TMEM14B: variants seen among roughly 807,000 people sequenced by gnomAD.
TMEM14B encodes transmembrane protein 14B.
A neutral mutation model predicts 14.8 loss-of-function variants in TMEM14B; 9 were observed. The ratio of observed to expected loss-of-function variants is 0.61; its 90% confidence interval spans 0.37 to 1.06. The LOEUF is 1.06. Among genes scored for constraint, TMEM14B ranks in the 50% least tolerant of loss-of-function variants. The pLI is 0.01. For missense variants in TMEM14B, 128 were observed against 143.6 expected, an observed-to-expected ratio of 0.89 and a Z score of 0.56; for synonymous variants, 40 against 51.3, an observed-to-expected ratio of 0.78 and a Z score of 0.94.
At chr6:10,753,612 C>T (rs959875202) in intron 4 of TMEM14B, among the ~76,000 whole-genome samples, 1 of 151,942 alleles carries the variant, frequency 6.6e-6, no homozygotes, top group African/African-American at 2.4e-5. Context: ...TTTCTCTCTC[C>T]TCCAGGCTGG....
At chr6:10,748,091 G>A (rs1319966503) in intron 1 of TMEM14B, among the ~76,000 whole-genome samples, 1 of 152,138 alleles carries the variant, frequency 6.6e-6, no homozygotes, top group Non-Finnish European at 1.5e-5. Flanking sequence ...CTGAGGCAAA[G>A]GCTTACCCTT....
Position 10,755,129 on chromosome 6 carries a change from G to T in TMEM14B, c.203-13G>T. ...GACTAATGAGTTTTGACCCTTCTTTGTATCTTTTTCAGCCGCTACATCTGT... is the reference window on the plus strand; with the variant it reads ...GACTAATGAGTTTTGACCCTTCTTTTTATCTTTTTCAGCCGCTACATCTGT... On this transcript the variant is annotated splice_polypyrimidine_tract_variant and intron_variant, in intron 4 of 5. Coordinates refer to ENST00000379542, the MANE Select transcript of TMEM14B (RefSeq NM_030969.5). The T allele has an allele frequency of 6.2e-7, 1 of 1,612,932 alleles. No homozygotes were observed. Among genetic ancestry groups the T allele is most frequent in the South Asian group, 1.1e-5 (1 of 91,036 alleles).
At chr6:10,748,110 G>C (rs1040075541) in intron 1 of TMEM14B, among the ~76,000 whole-genome samples, 1 of 152,188 alleles carries the variant, frequency 6.6e-6, no homozygotes, top group African/African-American at 2.4e-5. Context: ...TTGTAGCATA[G>C]TGTTGCCTCG....
chr6:10,756,422 T>C, intron 5 of TMEM14B, 45 bp from the exon 6 acceptor site: 2 of 1,608,822 alleles, frequency 1.2e-6, no homozygotes, highest in Non-Finnish European at 1.7e-6. Context: ...TAGTTGCCTG[T>C]TCTATCCTTT....
At chr6:10,755,596 A>G in intron 5 of TMEM14B, 2 of 1,253,922 alleles carry the variant, frequency 1.6e-6, no homozygotes, top group Non-Finnish European at 2.0e-6. Flanking sequence ...CTAAAAGGAA[A>G]TTTTGATTGA....
chr6:10,756,559 A>G lies in TMEM14B; in HGVS notation c.*41A>G, dbSNP rs752180811. The G allele has an allele frequency of 4.9e-5, 79 of 1,600,496 alleles. No individual in the cohort carries two copies. Among genetic ancestry groups the G allele is most frequent in the Admixed American group, 2.5e-4 (14 of 56,308 alleles). On this transcript the variant is annotated 3_prime_UTR_variant, in exon 6 of 6. Transcript: ENST00000379542. ...AGCTTGGACTCATGAAGGATTAAAAATCTGCATCTTCCACTATTTTCAATG... is the reference window on the plus strand; with the variant it reads ...AGCTTGGACTCATGAAGGATTAAAAGTCTGCATCTTCCACTATTTTCAATG...
At chr6:10,748,330 C>G (rs1771409410) in intron 1 of TMEM14B, among the ~76,000 whole-genome samples, 1 of 152,162 alleles carries the variant, frequency 6.6e-6, no homozygotes, top group South Asian at 2.1e-4. Flanking sequence ...ATTGCAGCCT[C>G]TGCCTCCTGG....
At chr6:10,758,456 C>T (rs565657777), downstream of TMEM14B, among the ~76,000 whole-genome samples, 2 of 152,340 alleles carry the variant, frequency 1.3e-5, no homozygotes, top group African/African-American at 4.8e-5. Context: ...AGGAGATCTT[C>T]ATAGCCCTTG....
At chr6:10,759,355 T>G (rs2127497812), downstream of TMEM14B, 1 of 152,322 alleles carries the variant, frequency 6.6e-6, no homozygotes, top group East Asian at 1.9e-4. Context: ...ATCCCAACAC[T>G]TTGGGAGGCT....
chr6:10,748,558 C>T (rs544171958), intron 1 of TMEM14B, among the ~76,000 whole-genome samples: 1 of 152,150 alleles, frequency 6.6e-6, no homozygotes, highest in Non-Finnish European at 1.5e-5. Context: ...TGGCCTAATT[C>T]TTTAAACAGA....
chr6:10,753,717 T>A (rs781758031), intron 4 of TMEM14B, among the ~76,000 whole-genome samples: 46 of 152,008 alleles, frequency 3.0e-4, no homozygotes, highest in Non-Finnish European at 1.2e-4. Context: ...TGTCTTCTGT[T>A]CTCCATCCAT....
chr6:10,752,397 T>C (rs574738680), intron 4 of TMEM14B, among the ~76,000 whole-genome samples: 3 of 151,258 alleles, frequency 2.0e-5, no homozygotes, highest in Non-Finnish European at 4.4e-5. Flanking sequence ...TCCTTTTAGG[T>C]GGATCCCCGC....
intron 1 of TMEM14B, among the ~76,000 whole-genome samples, chr6:10,748,577 C>T (rs1561912546): frequency 6.6e-6 from 1 of 152,126 alleles, no homozygotes; most frequent in Non-Finnish European, 1.5e-5. Flanking sequence ...GAATAAACGG[C>T]GTATGCATTG....
chr6:10,756,388 G>A (rs1164645663), intron 5 of TMEM14B, 79 bp from the exon 6 acceptor site: 41 of 1,529,046 alleles, frequency 2.7e-5, no homozygotes, highest in Non-Finnish European at 3.6e-5. Context: ...TGAGGAACCT[G>A]CAGAGTTTAG....
At chr6:10,751,360 C>G in intron 4 of TMEM14B, 126 bp downstream of exon 4, 1 of 1,008,318 alleles carries the variant, frequency 9.9e-7, no homozygotes, top group South Asian at 1.6e-5. Context: ...ACTGCTTCTC[C>G]AAGTCCAAGT....
rs1771813781 is a variant in TMEM14B, at chr6:10,756,632, A to T, written c.*114A>T. ...ATTTTTGCATCTGACATTTTACCTA[A>T]AAAAAAAAAGACACCAAATTTGGCG... On this transcript the variant is annotated 3_prime_UTR_variant, in exon 6 of 6. Coordinates refer to ENST00000379542, the MANE Select transcript of TMEM14B (RefSeq NM_030969.5). The T allele has an allele frequency of 3.8e-6, 5 of 1,326,194 alleles. No individual in the cohort carries two copies. Among genetic ancestry groups the T allele is most frequent in the Non-Finnish European group, 5.0e-6 (5 of 1,005,964 alleles). The allele number at this position is 1,326,194 out of a possible 1,614,324, so 82.2% of individuals were successfully genotyped here.
At chr6:10,754,355 TACTC>T (rs1771723538) in intron 4 of TMEM14B, among the ~76,000 whole-genome samples, 1 of 152,234 alleles carries the variant, frequency 6.6e-6, no homozygotes, top group Non-Finnish European at 1.5e-5. Context: ...TGGCGCCTCT[TACTC>T]ACAAACTGCA....
chr6:10,749,743 T>C lies in TMEM14B; in HGVS notation c.100+45T>C, dbSNP rs781583993. On this transcript the variant is annotated intron_variant, in intron 3 of 5. Transcript: ENST00000379542. The stretch of plus-strand genomic sequence containing the variant: ...TAGCCTCTTAACATCTTCACGTTGT[T>C]CCAGTGAAATGTGAGTGCCTGTGTC... The C allele has an allele frequency of 8.7e-6, 14 of 1,607,842 alleles. No homozygotes were observed. In the African/African-American group the frequency reaches 1.6e-4, roughly 18 times the overall value.
At chr6:10,755,054 C>G in intron 4 of TMEM14B, 88 bp from the exon 5 acceptor site, 1 of 1,391,216 alleles carries the variant, frequency 7.2e-7, no homozygotes. Context: ...GAGGCGTGAG[C>G]CTTGAGAGAT....
Sources: allele counts gnomAD v4.1 joint callset (sites outside exome capture counted in the v4.1 genomes callset), GRCh38; gene constraint gnomAD v4.1.1; transcripts MANE v1.5; gene names NCBI Gene and HGNC (gene_info 2026-07-23, HGNC 2026-07-21).